The following UNC13C variants were observed in gnomAD, a reference collection of about 807,000 sequenced individuals.
The protein encoded by UNC13C is protein unc-13 homolog C.
Under a neutral mutation model 245.4 loss-of-function variants are expected in UNC13C, and 174 were observed. The observed-to-expected ratio is 0.71, with a 90% CI of 0.63 to 0.80. The LOEUF (loss-of-function observed/expected upper bound fraction) is 0.80. UNC13C is among the 30% of genes least tolerant of loss of function. The pLI, the probability that UNC13C is intolerant of heterozygous loss-of-function variation, is 0.00. For missense variants in UNC13C, 2,829 were observed against 2,602.9 expected (o/e 1.09, Z -1.89); for synonymous variants, 992 against 895.1 (o/e 1.11, Z -1.93).
intron 30 of UNC13C, among the ~76,000 whole-genome samples, chr15:54,595,905 TACTC>T (rs1182933133): frequency 6.6e-6 from 1 of 152,228 alleles, no homozygotes; most frequent in Non-Finnish European, 1.5e-5. Context: ...TTATACTAGT[TACTC>T]AATCTCTTAA....
chr15:54,125,825 T>A (rs190563393), intron 2 of UNC13C, among the ~76,000 whole-genome samples: 1 of 152,234 alleles, frequency 6.6e-6, no homozygotes, highest in Non-Finnish European at 1.5e-5. Flanking sequence ...CTTTGAAGTC[T>A]GCTTTATCTA....
intron 4 of UNC13C, among the ~76,000 whole-genome samples, chr15:54,164,886 CAGTT>C (rs1247058363): frequency 3.3e-5 from 5 of 152,048 alleles, no homozygotes; most frequent in Admixed American, 2.6e-4. Flanking sequence ...AATGAAGTAA[CAGTT>C]GGTTTATCTA....
chr15:54,182,406 CT>C (rs970480882), intron 4 of UNC13C, among the ~76,000 whole-genome samples: 32 of 152,056 alleles, frequency 2.1e-4, no homozygotes, highest in Non-Finnish European at 8.8e-5. Flanking sequence ...GGTGAATTAA[CT>C]TTTTGATATG....
chr15:54,195,232 G>A (rs935826712), intron 4 of UNC13C, among the ~76,000 whole-genome samples: 2 of 152,104 alleles, frequency 1.3e-5, no homozygotes, highest in African/African-American at 2.4e-5. Flanking sequence ...GAGGAAAAAA[G>A]CCTACACTCT....
At chr15:53,852,278 T>C in the UNC13C span, among the ~76,000 whole-genome samples, 1 of 152,114 alleles carries the variant, frequency 6.6e-6, no homozygotes, top group Non-Finnish European at 1.5e-5. Context: ...GATTGTTGAG[T>C]AAGAGAATAG....
intron 32 of UNC13C, among the ~76,000 whole-genome samples, chr15:54,624,888 A>C (rs773936880): frequency 2.6e-5 from 4 of 152,080 alleles, no homozygotes; most frequent in Non-Finnish European, 5.9e-5. Context: ...AATTTGAGTA[A>C]TCATGGGAAC....
intron 19 of UNC13C, among the ~76,000 whole-genome samples, chr15:54,463,221 G>GCCAAT (rs1891955044): frequency 7.6e-6 from 1 of 132,286 alleles, no homozygotes; most frequent in African/African-American, 2.8e-5. Context: ...AGTAAAATGG[G>GCCAAT]CCAATCGGCT....
At chr15:54,592,937 T>G (rs1290952642) in intron 30 of UNC13C, among the ~76,000 whole-genome samples, 1 of 152,008 alleles carries the variant, frequency 6.6e-6, no homozygotes, top group Admixed American at 6.6e-5. Context: ...GATTTGGTTT[T>G]GATGTGTTTC....
chr15:54,440,363 G>C lies in UNC13C; in HGVS notation c.4933+25296G>C, dbSNP rs1320263551. Among the ~76,000 whole-genome samples, 4 of 152,070 alleles carry C rather than the reference G, an allele frequency of 2.6e-5. No homozygotes were observed. The East Asian group carries it at 7.8e-4, about 30-fold the overall frequency. ...ACAAACAAATACTCTCTAATGCTAT[G>C]AGAATCACCTTTTTAGCTCCCATAT... On this transcript the variant is annotated intron_variant, in intron 19 of 32. Transcript: ENST00000260323.
rs1567289113 is a variant in UNC13C at position 54,455,208 on chromosome 15, T to TCTCTCC, written c.4934-39400_4934-39399insCTCTCC. ...CTCTCTCTCTCTCTCTCTCTCTCTA[T>TCTCTCC]ATATATATATATATATATATATATA... On this transcript the variant is annotated intron_variant, in intron 19 of 32. Coordinates refer to ENST00000260323, the MANE Select transcript of UNC13C (RefSeq NM_001080534.3). Among the ~76,000 whole-genome samples the TCTCTCC allele has an allele frequency of 3.0e-3, 172 of 56,656 alleles. 13 individuals carry two copies. The highest frequency in any genetic ancestry group is 0.011 in the African/African-American group (142 of 13,414). The allele number at this position is 56,656 out of a possible 152,430, so 37.2% of individuals were successfully genotyped here. A position where few individuals can be genotyped will look rare whatever the true frequency, so the allele number is the denominator to read the frequency against.
intron 4 of UNC13C, among the ~76,000 whole-genome samples, chr15:54,208,565 G>T (rs1287673966): frequency 6.6e-6 from 1 of 152,062 alleles, no homozygotes; most frequent in Non-Finnish European, 1.5e-5. Context: ...ATTCTAAGTA[G>T]AAATGATAGA....
At chr15:54,452,084 G>A (rs1180886264) in intron 19 of UNC13C, among the ~76,000 whole-genome samples, 1 of 152,208 alleles carries the variant, frequency 6.6e-6, no homozygotes, top group Non-Finnish European at 1.5e-5. Context: ...GTGATTCTTA[G>A]TGGAGACTGT....
rs544181070 is a variant in UNC13C, at chr15:54,230,367, T to G, written c.3072-4663T>G. Among the ~76,000 whole-genome samples the G allele has an allele frequency of 1.2e-4, 18 of 152,226 alleles. No homozygotes were observed. The South Asian group carries it at 2.1e-3, about 18-fold the overall frequency. On this transcript the variant is annotated intron_variant, in intron 4 of 32. Transcript: ENST00000260323. ...TTGTATTGTGTATTTTTTTATATCC[T>G]GCTTGATAGTTTTCACGTGATATTT...
chr15:54,580,292 G>C (rs982606350), intron 30 of UNC13C, among the ~76,000 whole-genome samples: 6 of 152,194 alleles, frequency 3.9e-5, no homozygotes, highest in African/African-American at 1.4e-4. Flanking sequence ...CTTTGGCACT[G>C]GAAGTTAAGC....
chr15:54,418,214 A>G (rs112465729), intron 19 of UNC13C, among the ~76,000 whole-genome samples: 280 of 152,296 alleles, frequency 1.8e-3, no homozygotes, highest in African/African-American at 6.4e-3. Flanking sequence ...TCTATTTTAC[A>G]TTAGCAAACA....
At chr15:54,124,596 C>A (rs2030907791) in intron 2 of UNC13C, among the ~76,000 whole-genome samples, 1 of 151,948 alleles carries the variant, frequency 6.6e-6, no homozygotes, top group African/African-American at 2.4e-5. Context: ...TTTTTATCCT[C>A]CTAACAAGGT....
Position 54,264,352 on chromosome 15 carries a change from A to G in UNC13C, c.3633A>G (p.Val1211=), listed in dbSNP as rs1310353950. The G allele has an allele frequency of 6.2e-7, 1 of 1,605,162 alleles. No individual in the cohort carries two copies. The highest frequency in any genetic ancestry group is 2.2e-5 in the East Asian group (1 of 44,708). Residue 1211 remains valine (V), a synonymous_variant, in exon 9 of 33, where the codon GTA becomes GTG. Transcript: ENST00000260323. ...VQFTKAAKQS[V]LDGTSKWSAK... Reference sequence around the variant, plus strand: ...TTACAAAGGCGGCCAAACAGAGTGTACTGGATGGGACATCTAAGTGGTCTG... The same window carrying G: ...TTACAAAGGCGGCCAAACAGAGTGTGCTGGATGGGACATCTAAGTGGTCTG...
At chr15:54,055,425 T>G (rs2141062821) in intron 2 of UNC13C, among the ~76,000 whole-genome samples, 1 of 152,322 alleles carries the variant, frequency 6.6e-6, no homozygotes, top group Admixed American at 6.5e-5. Context: ...TTTCTTGAGA[T>G]TCTATTTTTT....
chr15:54,297,732 T>A (rs543064122), intron 11 of UNC13C, 79 bp from the exon 12 acceptor site: 3 of 1,114,946 alleles, frequency 2.7e-6, no homozygotes, highest in Non-Finnish European at 3.9e-6. Context: ...TGTTTTTTTG[T>A]TTTTTAGCTT....
Sources: allele counts gnomAD v4.1 joint callset (sites outside exome capture counted in the v4.1 genomes callset), GRCh38; gene constraint gnomAD v4.1.1; transcripts MANE v1.5; gene names NCBI Gene and HGNC (gene_info 2026-07-23, HGNC 2026-07-21).